GRID2: variants seen among roughly 807,000 people sequenced by gnomAD.
The protein encoded by GRID2 is glutamate receptor ionotropic, delta-2.
A neutral mutation model predicts 114.8 loss-of-function variants in GRID2; 33 were observed. The observed-to-expected ratio is 0.29, with a 90% CI of 0.22 to 0.38. GRID2 has a LOEUF of 0.38. Among genes scored for constraint, GRID2 ranks in the 10% least tolerant of loss-of-function variants. GRID2 has a pLI of 1.00. For synonymous variants in GRID2, 505 were observed against 449.9 expected, an observed-to-expected ratio of 1.12 and a Z score of -1.55; for missense variants, 1,184 against 1,257.7, an observed-to-expected ratio of 0.94 and a Z score of 0.89.
At chr4:93,011,726 C>A (rs1027267885) in intron 2 of GRID2, among the ~76,000 whole-genome samples, 1 of 152,036 alleles carries the variant, frequency 6.6e-6, no homozygotes, top group African/African-American at 2.4e-5. Context: ...AAACGGAACA[C>A]AATAGGAGCT....
intron 2 of GRID2, among the ~76,000 whole-genome samples, chr4:92,865,621 G>T (rs1473611950): frequency 6.6e-6 from 1 of 152,156 alleles, no homozygotes; most frequent in Non-Finnish European, 1.5e-5. Context: ...TTCTCTAGAT[G>T]AAGTATGTTG....
At chr4:93,004,577 G>A (rs1264459666) in intron 2 of GRID2, among the ~76,000 whole-genome samples, 1 of 151,866 alleles carries the variant, frequency 6.6e-6, no homozygotes, top group East Asian at 1.9e-4. Flanking sequence ...CCAATAGCAG[G>A]CAAAAGTGTT....
intron 13 of GRID2, among the ~76,000 whole-genome samples, chr4:93,595,116 C>G (rs1738938727): frequency 6.6e-6 from 1 of 152,182 alleles, no homozygotes; most frequent in South Asian, 2.1e-4. Flanking sequence ...TGCCTGCTCT[C>G]CTCAAACAAT....
chr4:93,111,068 C>CT (rs1732720261), intron 4 of GRID2, 115 bp downstream of exon 4: 2 of 670,916 alleles, frequency 3.0e-6, no homozygotes, highest in Non-Finnish European at 5.3e-6. Context: ...CTACACAATT[C>CT]TTGTTAACAC....
intron 14 of GRID2, among the ~76,000 whole-genome samples, chr4:93,725,836 T>C (rs1238132526): frequency 1.2e-4 from 19 of 152,176 alleles, no homozygotes; most frequent in African/African-American, 3.6e-4. Context: ...GGTTGTTTGT[T>C]TTTTTCTTGT....
At chr4:92,397,239 A>T (rs1730534998) in intron 1 of GRID2, among the ~76,000 whole-genome samples, 1 of 152,096 alleles carries the variant, frequency 6.6e-6, no homozygotes, top group South Asian at 2.1e-4. Flanking sequence ...TTTGTAAGCT[A>T]AAATATCATG....
chr4:93,194,651 C>G (rs561791212), intron 4 of GRID2, among the ~76,000 whole-genome samples: 5 of 152,260 alleles, frequency 3.3e-5, no homozygotes, highest in African/African-American at 1.2e-4. Context: ...GTGTCTGGTA[C>G]ATTCTTCAGG....
chr4:92,981,578 T>C (rs181924748), intron 2 of GRID2, among the ~76,000 whole-genome samples: 2 of 152,170 alleles, frequency 1.3e-5, no homozygotes, highest in Admixed American at 1.3e-4. Context: ...TGTATCTTTA[T>C]GGATTAAAAG....
chr4:92,824,728 A>G (rs970084408), intron 2 of GRID2, among the ~76,000 whole-genome samples: 2 of 152,114 alleles, frequency 1.3e-5, no homozygotes, highest in African/African-American at 4.8e-5. Context: ...CTCATAAACT[A>G]CTGTATAAAT....
chr4:93,578,585 G>GTATTTTTTTTT (rs1736645454), intron 13 of GRID2, among the ~76,000 whole-genome samples: 1 of 115,260 alleles, frequency 8.7e-6, no homozygotes, highest in Non-Finnish European at 1.8e-5. Context: ...CTTGTTTTTT[G>GTATTTTTTTTT]TATTTTTTTT....
chr4:92,472,698 A>G lies in GRID2; in HGVS notation c.89-117433A>G, dbSNP rs1237282832. Among the ~76,000 whole-genome samples the G allele has an allele frequency of 7.9e-5, 12 of 152,016 alleles. No homozygotes were observed. The South Asian group carries it at 2.1e-3, about 26-fold the overall frequency. ...GACAAAGAGTGTTAAGCATCTTCTC[A>G]TGTGTTTGTCATGCATTTTCCTTCA... On this transcript the variant is annotated intron_variant, in intron 1 of 15. Transcript: ENST00000282020.
chr4:93,737,745 A>AT (rs1156255104), intron 14 of GRID2, among the ~76,000 whole-genome samples: 2 of 152,204 alleles, frequency 1.3e-5, no homozygotes, highest in Admixed American at 6.5e-5. Flanking sequence ...GTAATACTTA[A>AT]TTTAACTCCC....
chr4:93,333,049 G>A (rs185174681), intron 8 of GRID2, among the ~76,000 whole-genome samples: 12 of 152,166 alleles, frequency 7.9e-5, no homozygotes, highest in African/African-American at 2.6e-4. Flanking sequence ...TAATGATAAT[G>A]ATCTGTTGAC....
At chr4:92,305,287 C>T (rs1725319325) in intron 1 of GRID2, among the ~76,000 whole-genome samples, 1 of 152,230 alleles carries the variant, frequency 6.6e-6, no homozygotes, top group Non-Finnish European at 1.5e-5. Flanking sequence ...GCGCCCCCAG[C>T]CACCCTCTCT....
At position 92,357,219 on chromosome 4, in the gene GRID2, T is replaced by C. The variant is rs534071630; in HGVS notation, c.88+52475T>C. 4.3e-3 allele frequency among the ~76,000 whole-genome samples: 657 copies of C among 151,988 alleles called. 4 individuals carry two copies. Among genetic ancestry groups the C allele is most frequent in the Non-Finnish European group, 6.0e-3 (406 of 67,892 alleles). The stretch of plus-strand genomic sequence containing the variant: ...AAATGGTAAGTGCCTGGGAAGAAGG[T>C]CAATTTGCAGTTATTTGCTGCAATT... On this transcript the variant is annotated intron_variant, in intron 1 of 15. Coordinates refer to ENST00000282020, the MANE Select transcript of GRID2 (RefSeq NM_001510.4).
chr4:92,865,411 A>G (rs577126311), intron 2 of GRID2, among the ~76,000 whole-genome samples: 95 of 152,348 alleles, frequency 6.2e-4, no homozygotes, highest in African/African-American at 2.2e-3. Context: ...GTTGGACAAA[A>G]GGAAATATTC....
chr4:93,179,399 A>G (rs1739672070), intron 4 of GRID2, among the ~76,000 whole-genome samples: 1 of 152,092 alleles, frequency 6.6e-6, no homozygotes, highest in Admixed American at 6.6e-5. Context: ...TACAAGTGTC[A>G]TTTTCCTTAT....
intron 4 of GRID2, among the ~76,000 whole-genome samples, chr4:93,180,296 A>G (rs1739766756): frequency 6.6e-6 from 1 of 152,146 alleles, no homozygotes; most frequent in Admixed American, 6.6e-5. Flanking sequence ...TAAGTGCAAT[A>G]GTATGATGCC....
intron 2 of GRID2, among the ~76,000 whole-genome samples, chr4:92,919,588 T>C (rs1287157887): frequency 1.3e-5 from 2 of 152,198 alleles, no homozygotes; most frequent in Non-Finnish European, 2.9e-5. Context: ...CATCTTTATT[T>C]CTGCCTTCAT....
Sources: gnomAD v4.1 joint callset for allele counts (sites outside exome capture counted in the v4.1 genomes callset) on GRCh38, gnomAD v4.1.1 for gene constraint, MANE v1.5 for transcripts, NCBI Gene and HGNC (gene_info 2026-07-23, HGNC 2026-07-21) for gene names.